Variants in GALT observed in about 807,000 individuals in gnomAD.
GALT encodes the protein UDP-glucose--hexose-1-phosphate uridylyltransferase.
In GALT, 42 loss-of-function variants were observed where a neutral mutation model predicts 55.4. That is an observed-to-expected ratio of 0.76 (90% confidence interval 0.59 to 0.98). The LOEUF is 0.98. Among genes scored for constraint, GALT ranks in the 50% least tolerant of loss-of-function variants. GALT has a pLI of 0.00. For missense variants in GALT, 407 were observed against 495.7 expected (o/e 0.82, Z 1.70); for synonymous variants, 154 against 181.5 (o/e 0.85, Z 1.22).
At chr9:34,650,260 G>C (rs1379052682) in intron 10 of GALT, 109 bp from the exon 11 acceptor site, 2 of 711,986 alleles carry the variant, frequency 2.8e-6, no homozygotes, top group East Asian at 5.5e-5. Context: ...TCCAGCCTGG[G>C]CAACAGAGCA....
Position 34,647,130 on chromosome 9 carries a change from G to A in GALT, c.124G>A (p.Val42Met). Reference protein sequence around the residue: ...IRYNPLQDEWVLVSAHRMKRP... With the variant: ...IRYNPLQDEWMLVSAHRMKRP... ...CTACAACCCGCTGCAGGATGAGTGG[G>A]TGCTGGTGTCAGCTCACCGCATGAA... Residue 42 changes from valine (V) to methionine (M), a missense_variant, in exon 2 of 11, where the codon GTG becomes ATG. Val to Met is a conservative substitution (Grantham distance 21). Transcript: ENST00000378842. The surrounding 1 kb of genome is among the most constrained non-coding windows in gnomAD (Gnocchi z 5.6). 6.2e-7 allele frequency: 1 copy of A among 1,614,202 alleles called. No homozygotes were observed. The highest frequency in any genetic ancestry group is 8.5e-7 in the Non-Finnish European group (1 of 1,180,036).
In GALT at chr9:34,648,080, T is replaced by A; in HGVS notation, c.508-35T>A. The A allele has an allele frequency of 6.2e-7, 1 of 1,614,170 alleles. No homozygotes were observed. Among genetic ancestry groups the A allele is most frequent in the Non-Finnish European group, 8.5e-7 (1 of 1,180,022 alleles). ...TCAGGAGGGAGTTGACTTGGTGTCT[T>A]TTGGCTAACAGAGCTCCGTATCCCT... is the stretch of plus-strand genomic sequence containing the variant. On this transcript the variant is annotated intron_variant, in intron 5 of 10. Coordinates refer to ENST00000378842, the MANE Select transcript of GALT (RefSeq NM_000155.4). The surrounding 1 kb of genome is among the most constrained non-coding windows in gnomAD (Gnocchi z 4.9).
At position 34,647,531 on chromosome 9, in the gene GALT, G is replaced by C. The variant is rs111033670; in HGVS notation, c.292G>C (p.Asp98His). The C allele has an allele frequency of 3.1e-6, 5 of 1,613,982 alleles. No homozygotes were observed. Among genetic ancestry groups the C allele is most frequent in the Admixed American group, 1.7e-5 (1 of 60,000 alleles). Reference sequence around the variant, plus strand: ...CGATAGCACCTTCCTGTTTGACAACGACTTCCCAGCTCTGCAGCCTGATGC... The same window carrying C: ...CGATAGCACCTTCCTGTTTGACAACCACTTCCCAGCTCTGCAGCCTGATGC... ...QYDSTFLFDN[D>H]FPALQPDAPS... Residue 98 changes from aspartate (D) to histidine (H), a missense_variant, in exon 3 of 11, where the codon GAC becomes CAC. By Grantham distance (81) the Asp-to-His change is moderately conservative (BLOSUM62 -1). Coordinates refer to ENST00000378842, the MANE Select transcript of GALT (RefSeq NM_000155.4). This position sits in a 1 kb window ranked among gnomAD's most constrained non-coding sequence, Gnocchi z 5.6.
chr9:34,646,839 T>G (rs575666061), intron 1 of GALT, 53 bp downstream of exon 1: 10 of 1,612,140 alleles, frequency 6.2e-6, no homozygotes, highest in Non-Finnish European at 7.6e-6. Flanking sequence ...GCCCTCCCCT[T>G]CCTTAGGAAG....
In GALT at chr9:34,648,635, G is replaced by A; in HGVS notation, c.688-127G>A. 1 of 1,486,978 alleles carries A rather than the reference G, an allele frequency of 6.7e-7. No homozygotes were observed. The allele number at this position is 1,486,978 out of a possible 1,614,324, so 92.1% of individuals were successfully genotyped here. On this transcript the variant is annotated intron_variant, in intron 7 of 10. Coordinates refer to ENST00000378842, the MANE Select transcript of GALT (RefSeq NM_000155.4). The surrounding 1 kb of genome is among the most constrained non-coding windows in gnomAD (Gnocchi z 4.9). ...GGTGACTTAGACTCGGGTGGTTAGT[G>A]GTAGAGGTGGTGAGAAGACATCAGA...
In GALT at chr9:34,649,577, AAC is replaced by A; in HGVS notation, c.1059+15_1059+16del. ...CACCCCTGAGCAGGTCAGGACTCAGAACAGTCTGGCGTCTCCAGACTCTCACA... is the reference window on the plus strand; with the variant it reads ...CACCCCTGAGCAGGTCAGGACTCAGAAGTCTGGCGTCTCCAGACTCTCACA... On this transcript the variant is annotated intron_variant, in intron 10 of 10. Coordinates refer to ENST00000378842, the MANE Select transcript of GALT (RefSeq NM_000155.4). 6.2e-7 allele frequency: 1 copy of A among 1,614,114 alleles called. No homozygotes were observed. The highest frequency in any genetic ancestry group is 1.3e-5 in the African/African-American group (1 of 75,036).
Position 34,647,796 on chromosome 9 carries a change from T to C in GALT, c.378-36T>C, listed in dbSNP as rs1821144027. 1.9e-6 allele frequency: 3 copies of C among 1,614,116 alleles called. No homozygotes were observed. The African/African-American group carries it at 4.0e-5, about 22-fold the overall frequency. Reference sequence around the variant, plus strand: ...CCCTGCCCGTAGCACAGCCAAGCCCTACCTCTCGGTTATCTTTTCTCCCGT... The same window carrying C: ...CCCTGCCCGTAGCACAGCCAAGCCCCACCTCTCGGTTATCTTTTCTCCCGT... On this transcript the variant is annotated intron_variant, in intron 4 of 10. Coordinates refer to ENST00000378842, the MANE Select transcript of GALT (RefSeq NM_000155.4). The surrounding 1 kb of genome is among the most constrained non-coding windows in gnomAD (Gnocchi z 5.6).
At chr9:34,649,282 A>C (rs1367461221) in intron 9 of GALT, 128 bp from the exon 10 acceptor site, 2 of 1,356,770 alleles carry the variant, frequency 1.5e-6, no homozygotes, top group African/African-American at 2.9e-5. Context: ...ATCTCCTGCC[A>C]GCTCTTCTCA....
rs767337193 is a variant in GALT, at chr9:34,648,991, A to G, written c.821-7A>G. On this transcript the variant is annotated splice_polypyrimidine_tract_variant and splice_region_variant and intron_variant, in intron 8 of 10. Transcript: ENST00000378842. The surrounding 1 kb of genome is among the most constrained non-coding windows in gnomAD (Gnocchi z 4.9). ...ACCCCAGGCTGAGAGTCAGGCTCTG[A>G]TTCCAGATCTAGCCTCCATCATGAA... The G allele has an allele frequency of 8.7e-6, 14 of 1,613,960 alleles. No individual in the cohort carries two copies. In the East Asian group the frequency reaches 3.1e-4, roughly 36 times the overall value.
At position 34,648,732 on chromosome 9, in the gene GALT, G is replaced by A; in HGVS notation, c.688-30G>A. On this transcript the variant is annotated intron_variant, in intron 7 of 10. Coordinates refer to ENST00000378842, the MANE Select transcript of GALT (RefSeq NM_000155.4). The surrounding 1 kb of genome is among the most constrained non-coding windows in gnomAD (Gnocchi z 4.9). ...CACACTCCGGCTCCTATGTCACCTT[G>A]ATGACTTCCTATCCATTCTGTCTTC... 1.2e-6 allele frequency: 2 copies of A among 1,611,866 alleles called. No individual in the cohort carries two copies. The highest frequency in any genetic ancestry group is 1.7e-6 in the Non-Finnish European group (2 of 1,179,948).
chr9:34,649,789 G>T, intron 10 of GALT: 1 of 554,648 alleles, frequency 1.8e-6, no homozygotes. Flanking sequence ...TCATGACCCT[G>T]ATAGTTTCCC....
rs754419297 is a variant in GALT at position 34,649,012 on chromosome 9, A to G, written c.835A>G (p.Met279Val). 4.3e-6 allele frequency: 7 copies of G among 1,614,074 alleles called. No homozygotes were observed. Among genetic ancestry groups the G allele is most frequent in the Non-Finnish European group, 5.1e-6 (6 of 1,180,016 alleles). ...TCTGATTCCAGATCTAGCCTCCATC[A>G]TGAAGAAGCTCTTGACCAAGTATGA... Reference protein sequence around the residue: ...PAERDDLASIMKKLLTKYDNL... With the variant: ...PAERDDLASIVKKLLTKYDNL... The change falls in exon 9 of 11, where the codon ATG (methionine) becomes GTG (valine). Residue 279 changes from methionine (M) to valine (V), a missense_variant. Transcript: ENST00000378842.
At position 34,650,825 on chromosome 9, in the gene GALT, G is replaced by T; in HGVS notation, c.*376G>T. ...AACTGTTTTAAAATCTTGTGTCTTG[G>T]TTGTGGCTGAGGCTTTGGGAAGGCC... On this transcript the variant is annotated 3_prime_UTR_variant, in exon 11 of 11. Coordinates refer to ENST00000378842, the MANE Select transcript of GALT (RefSeq NM_000155.4). 4.3e-6 allele frequency: 1 copy of T among 230,012 alleles called. No homozygotes were observed. Among genetic ancestry groups the T allele is most frequent in the Non-Finnish European group, 8.7e-6 (1 of 114,954 alleles). 14.2% of individuals were successfully genotyped at this position (230,012 alleles called of 1,614,324 possible).
At position 34,647,512 on chromosome 9, in the gene GALT, C is replaced by T. The variant is rs2132342404; in HGVS notation, c.273C>T (p.Ser91=). The change falls in exon 3 of 11, where the codon AGC becomes AGT. Residue 91 remains serine (S), a synonymous_variant. Coordinates refer to ENST00000378842, the MANE Select transcript of GALT (RefSeq NM_000155.4). This position sits in a 1 kb window ranked among gnomAD's most constrained non-coding sequence, Gnocchi z 5.6. ...ANGEVNPQYD[S]TFLFDNDFPA... is the part of the protein sequence containing the mutation. Reference sequence around the variant, plus strand: ...GGTAGGTGAATCCCCAGTACGATAGCACCTTCCTGTTTGACAACGACTTCC... The same window carrying T: ...GGTAGGTGAATCCCCAGTACGATAGTACCTTCCTGTTTGACAACGACTTCC... 6.2e-7 allele frequency: 1 copy of T among 1,614,170 alleles called. No homozygotes were observed. Among genetic ancestry groups the T allele is most frequent in the Non-Finnish European group, 8.5e-7 (1 of 1,180,032 alleles).
Position 34,650,803 on chromosome 9 carries a change from T to G in GALT, c.*354T>G, listed in dbSNP as rs1432623176. 1 of 245,632 alleles carries G rather than the reference T, an allele frequency of 4.1e-6. No homozygotes were observed. The highest frequency in any genetic ancestry group is 8.0e-6 in the Non-Finnish European group (1 of 124,624). The allele number at this position is 245,632 out of a possible 1,614,324, so 15.2% of individuals were successfully genotyped here. A position where few individuals can be genotyped will look rare whatever the true frequency, so the allele number is the denominator to read the frequency against. Reference sequence around the variant, plus strand: ...TGACAGCATTCCCAGTTTAGGAAACTGTTTTAAAATCTTGTGTCTTGGTTG... The same window carrying G: ...TGACAGCATTCCCAGTTTAGGAAACGGTTTTAAAATCTTGTGTCTTGGTTG... On this transcript the variant is annotated 3_prime_UTR_variant, in exon 11 of 11. Transcript: ENST00000378842.
At position 34,646,796 on chromosome 9, in the gene GALT, C is replaced by T. The variant is rs1480449606; in HGVS notation, c.82+10C>T. 6.2e-7 allele frequency: 1 copy of T among 1,613,418 alleles called. No homozygotes were observed. Among genetic ancestry groups the T allele is most frequent in the East Asian group, 2.2e-5 (1 of 44,882 alleles). On this transcript the variant is annotated intron_variant, in intron 1 of 10. Coordinates refer to ENST00000378842, the MANE Select transcript of GALT (RefSeq NM_000155.4). ...ACCTTCCGGGCAAACGGTAACTGCA[C>T]CGCGGCAGGGACTCGCTGGGGCGCG...
At position 34,648,131 on chromosome 9, in the gene GALT, G is replaced by A. The variant is rs111033718; in HGVS notation, c.524G>A (p.Gly175Asp). The stretch of plus-strand genomic sequence containing the variant: ...ATCTGATAGATCTTTGAAAACAAAG[G>A]TGCCATGATGGGCTGTTCTAACCCC... ...YPWVQIFENK[G>D]AMMGCSNPHP... Residue 175 changes from glycine to aspartate, a missense_variant, in exon 6 of 11, where the codon GGT (glycine) becomes GAT (aspartate). By Grantham distance (94) the Gly-to-Asp change is moderately conservative. Transcript: ENST00000378842. This position sits in a 1 kb window ranked among gnomAD's most constrained non-coding sequence, Gnocchi z 4.9. 2 of 1,614,172 alleles carry A rather than the reference G, an allele frequency of 1.2e-6. No individual in the cohort carries two copies. The highest frequency in any genetic ancestry group is 8.5e-7 in the Non-Finnish European group (1 of 1,180,028).
Position 34,648,493 on chromosome 9 carries a change from CCTAA to C in GALT, c.687+40_687+43del. ...CCAAGCCCTGTGTCCCCAAGGAGTC[CCTAA>C]CTTTCTTATCCCATGAGAGAGGTGT... is the stretch of plus-strand genomic sequence containing the variant. On this transcript the variant is annotated intron_variant, in intron 7 of 10. Coordinates refer to ENST00000378842, the MANE Select transcript of GALT (RefSeq NM_000155.4). The surrounding 1 kb of genome is among the most constrained non-coding windows in gnomAD (Gnocchi z 4.9). The C allele has an allele frequency of 6.2e-7, 1 of 1,613,890 alleles. No homozygotes were observed. Among genetic ancestry groups the C allele is most frequent in the African/African-American group, 1.3e-5 (1 of 74,992 alleles).
rs111033661 is a variant in GALT at position 34,647,490 on chromosome 9, A to G, written c.253-2A>G. The G allele has an allele frequency of 9.9e-6, 16 of 1,614,104 alleles. No individual in the cohort carries two copies. In the Admixed American group the frequency reaches 2.3e-4, roughly 24 times the overall value. On this transcript the variant is annotated splice_acceptor_variant, in intron 2 of 10. Transcript: ENST00000378842. LOFTEE classifies it high-confidence loss of function. The surrounding 1 kb of genome is among the most constrained non-coding windows in gnomAD (Gnocchi z 5.6). Reference sequence around the variant, plus strand: ...GTGCTTCTAGCCTATCCTTGTCGGTAGGTGAATCCCCAGTACGATAGCACC... The same window carrying G: ...GTGCTTCTAGCCTATCCTTGTCGGTGGGTGAATCCCCAGTACGATAGCACC...
Sources: gnomAD v4.1 joint callset for allele counts on GRCh38, gnomAD v4.1.1 for gene constraint, Gnocchi (gnomAD v3.1) non-coding constraint, MANE v1.5 for transcripts, NCBI Gene and HGNC (gene_info 2026-07-23, HGNC 2026-07-21) for gene names.